DNAH12: variants seen among roughly 807,000 people sequenced by gnomAD.
DNAH12 encodes dynein axonemal heavy chain 12.
In DNAH12, 285 loss-of-function variants were observed where a neutral mutation model predicts 371.5. The ratio of observed to expected loss-of-function variants is 0.77; its 90% CI spans 0.70 to 0.85. DNAH12 has a LOEUF of 0.85. DNAH12 is among the 40% of genes least tolerant of loss of function. The pLI, the probability that DNAH12 is intolerant of heterozygous loss-of-function variation, is 0.00. For missense variants in DNAH12, 3,611 were observed against 3,689.4 expected (o/e 0.98, Z 0.55); for synonymous variants, 1,200 against 1,213.0 (o/e 0.99, Z 0.22).
rs1238914489 is a variant in DNAH12 at position 57,542,096 on chromosome 3, C to T, written c.170+605G>A. ...TCAGTAACTGTCTAATTGAACTGAACCAACCTCATCACAGCCTTTGGCAGC... is the reference window on the plus strand; with the variant it reads ...TCAGTAACTGTCTAATTGAACTGAATCAACCTCATCACAGCCTTTGGCAGC... On this transcript the variant is annotated intron_variant, in intron 2 of 73. Transcript: ENST00000495027. 5.0e-5 allele frequency among the ~76,000 whole-genome samples: 7 copies of T among 140,696 alleles called. No individual in the cohort carries two copies. The East Asian group carries it at 1.5e-3, about 29-fold the overall frequency. 92.3% of individuals were successfully genotyped at this position (140,696 alleles called of 152,430 possible).
In DNAH12 at chr3:57,408,311, A is replaced by G. The variant is rs1328772117; in HGVS notation, c.6245T>C (p.Ile2082Thr). ...THEFPPEYFV[I>T]GNQIVNGTME... ...AGTCCCATTGACTATCTGGTTCCCA[A>G]TTACAAAGTACTCTGGAGGAAATTC... is the stretch of plus-strand genomic sequence containing the variant. The change falls in exon 40 of 74, where the codon ATT becomes ACT. Residue 2082 changes from isoleucine (I) to threonine (T), a missense_variant. Coordinates refer to ENST00000495027, the MANE Select transcript of DNAH12 (RefSeq NM_001366028.2). The G allele has an allele frequency of 1.3e-6, 2 of 1,550,850 alleles. No homozygotes were observed. Among genetic ancestry groups the G allele is most frequent in the East Asian group, 2.4e-5 (1 of 40,912 alleles).
At chr3:57,519,833 C>A (rs143445283) in intron 4 of DNAH12, 2 of 1,178,506 alleles carry the variant, frequency 1.7e-6, no homozygotes, top group South Asian at 2.4e-5. Context: ...CTGAGACAGG[C>A]ATCCATCACC....
chr3:57,306,903 A>C (rs2061483715), intron 69 of DNAH12, among the ~76,000 whole-genome samples: 1 of 151,958 alleles, frequency 6.6e-6, no homozygotes, highest in Non-Finnish European at 1.5e-5. Context: ...ATACCTCCCT[A>C]CACAACCCAT....
At position 57,405,821 on chromosome 3, in the gene DNAH12, GTGTT is replaced by G; in HGVS notation, c.6404_6407del (p.Lys2135ThrfsTer3). ...CATGCACAAACAGACGGATCATAGT[GTGTT>G]TGTTCGCCACGGCGTCTCTTTCAAT... On this transcript the variant is annotated frameshift_variant, in exon 41 of 74. Coordinates refer to ENST00000495027, the MANE Select transcript of DNAH12 (RefSeq NM_001366028.2). LOFTEE classifies it high-confidence loss of function. The G allele has an allele frequency of 6.4e-7, 1 of 1,551,708 alleles. No individual in the cohort carries two copies.
At position 57,461,696 on chromosome 3, in the gene DNAH12, C is replaced by T. The variant is rs200239369; in HGVS notation, c.2536-7G>A. The T allele has an allele frequency of 1.0e-4, 156 of 1,548,004 alleles. No individual in the cohort carries two copies. The East Asian group carries it at 2.5e-3, about 25-fold the overall frequency. ...CTTTCTCTAATGAAAATTCCTAAAA[C>T]GGAGGAATGAAGAAAGAACGGGATG... On this transcript the variant is annotated splice_polypyrimidine_tract_variant and splice_region_variant and intron_variant, in intron 18 of 73. Transcript: ENST00000495027.
At chr3:57,459,291 G>T (rs143446059) in intron 20 of DNAH12, among the ~76,000 whole-genome samples, 3,645 of 152,112 alleles carry the variant, frequency 0.024, 66 homozygotes, top group Non-Finnish European at 0.034. Context: ...CATTTGATTT[G>T]ATTTATCTAT....
At chr3:57,396,289 A>AC (rs2063736336) in intron 43 of DNAH12, among the ~76,000 whole-genome samples, 4 of 75,360 alleles carry the variant, frequency 5.3e-5, no homozygotes, top group Admixed American at 2.4e-4. Flanking sequence ...AAAAAAAAAA[A>AC]CAAAAAAAAA....
chr3:57,461,675 C>A lies in DNAH12; in HGVS notation c.2550G>T (p.Glu850Asp), dbSNP rs1431990012. 6.5e-7 allele frequency: 1 copy of A among 1,550,316 alleles called. No homozygotes were observed. Among genetic ancestry groups the A allele is most frequent in the African/African-American group, 1.4e-5 (1 of 72,970 alleles). Residue 850 changes from glutamate to aspartate, a missense_variant, in exon 19 of 74, where the codon GAG (glutamate) becomes GAT (aspartate). Around this residue, in one of 3 missense-constraint regions of DNAH12, gnomAD observed 1,314 missense variants for 1,398.7 expected, o/e 0.94. Coordinates refer to ENST00000495027, the MANE Select transcript of DNAH12 (RefSeq NM_001366028.2). ...TTCCTATCATTGTATTCATGGCTTT[C>A]TCTAATGAAAATTCCTAAAACGGAG... ...SAGASKEFSLEKAMNTMIGTW... is the reference protein window; with the variant it reads ...SAGASKEFSLDKAMNTMIGTW...
At chr3:57,387,262 C>T (rs913913540) in intron 45 of DNAH12, 43 bp from the exon 46 acceptor site, 16 of 152,120 alleles carry the variant, frequency 1.1e-4, no homozygotes, top group Non-Finnish European at 1.8e-4. Context: ...TTAAGATGAA[C>T]AGTAGTCTCA....
At chr3:57,310,993 T>G in intron 66 of DNAH12, 43 bp from the exon 67 acceptor site, 1 of 1,303,940 alleles carries the variant, frequency 7.7e-7, no homozygotes, top group South Asian at 1.3e-5. Context: ...CTTAAAGTAT[T>G]TCACTTCATT....
intron 8 of DNAH12, among the ~76,000 whole-genome samples, chr3:57,504,861 T>C (rs948616431): frequency 6.6e-6 from 1 of 152,098 alleles, no homozygotes; most frequent in Non-Finnish European, 1.5e-5. Context: ...TTTTCTTTTT[T>C]TCTCTCTTTT....
intron 32 of DNAH12, among the ~76,000 whole-genome samples, chr3:57,430,900 T>A (rs1443171282): frequency 6.6e-6 from 1 of 152,218 alleles, no homozygotes; most frequent in Non-Finnish European, 1.5e-5. Context: ...GCTAGCCATA[T>A]GTGGCTATTT....
At chr3:57,388,112 C>T (rs1420086248) in intron 45 of DNAH12, among the ~76,000 whole-genome samples, 3 of 152,124 alleles carry the variant, frequency 2.0e-5, no homozygotes, top group African/African-American at 4.8e-5. Context: ...CCTTCCTTGG[C>T]TTTCCTGGAA....
intron 45 of DNAH12, among the ~76,000 whole-genome samples, chr3:57,388,497 T>G (rs1575532378): frequency 6.6e-6 from 1 of 152,156 alleles, no homozygotes; most frequent in African/African-American, 2.4e-5. Context: ...ACTGCCAGTG[T>G]ATGCATTTTT....
intron 43 of DNAH12, among the ~76,000 whole-genome samples, chr3:57,396,815 G>C (rs943251185): frequency 2.6e-5 from 4 of 152,100 alleles, no homozygotes; most frequent in African/African-American, 9.7e-5. Context: ...CAGGTGATCC[G>C]AGACCAACCT....
chr3:57,391,381 C>G (rs2063619707), intron 45 of DNAH12, among the ~76,000 whole-genome samples: 1 of 152,158 alleles, frequency 6.6e-6, no homozygotes, highest in African/African-American at 2.4e-5. Flanking sequence ...TGAATTGGCT[C>G]TTTCTGGATC....
intron 66 of DNAH12, among the ~76,000 whole-genome samples, chr3:57,311,925 CT>C (rs1410517653): frequency 3.3e-5 from 5 of 152,002 alleles, no homozygotes; most frequent in Non-Finnish European, 7.4e-5. Flanking sequence ...TTTATATTGT[CT>C]TATTCGCCTC....
chr3:57,486,225 AC>A (rs1244100552), intron 12 of DNAH12, among the ~76,000 whole-genome samples: 1 of 150,976 alleles, frequency 6.6e-6, no homozygotes, highest in African/African-American at 2.4e-5. Context: ...AACCACTTAT[AC>A]CCCCCAAAAC....
At chr3:57,315,549 A>G (rs1457992661) in intron 65 of DNAH12, among the ~76,000 whole-genome samples, 2 of 151,944 alleles carry the variant, frequency 1.3e-5, no homozygotes, top group Non-Finnish European at 2.9e-5. Context: ...CATCCTTAAA[A>G]TTCTGGAAAA....
Sources: allele counts gnomAD v4.1 joint callset (sites outside exome capture counted in the v4.1 genomes callset), GRCh38; gene constraint gnomAD v4.1.1; regional missense constraint gnomAD v4.1.1; transcripts MANE v1.5; gene names NCBI Gene and HGNC (gene_info 2026-07-23, HGNC 2026-07-21).